Variants in ANO4 observed in about 807,000 individuals in gnomAD.
ANO4 encodes anoctamin-4.
ANO4 carries 69 observed loss-of-function variants against 141.9 expected under a neutral mutation model. That is an observed-to-expected ratio of 0.49 (90% CI 0.40 to 0.59). The LOEUF (loss-of-function observed/expected upper bound fraction) is 0.59. ANO4 is among the 20% of genes least tolerant of loss of function. The pLI, the probability that ANO4 is intolerant of heterozygous loss-of-function variation, is 0.00. For synonymous variants in ANO4, 350 were observed against 394.3 expected, an observed-to-expected ratio of 0.89 and a Z score of 1.33; for missense variants, 894 against 1,162.2, an observed-to-expected ratio of 0.77 and a Z score of 3.36.
At chr12:100,733,941 G>A in intron 2 of ANO4, 1 of 630,198 alleles carries the variant, frequency 1.6e-6, no homozygotes. Flanking sequence ...CTGGGGAGGA[G>A]AGGGAAGAAA....
At chr12:101,101,467 G>A (rs1291853400) in intron 22 of ANO4, among the ~76,000 whole-genome samples, 1 of 151,940 alleles carries the variant, frequency 6.6e-6, no homozygotes, top group Non-Finnish European at 1.5e-5. Flanking sequence ...TAGTCATGTG[G>A]GTTTTTCTGT....
intron 1 of ANO4, among the ~76,000 whole-genome samples, chr12:100,866,081 G>A (rs1316584702): frequency 1.3e-5 from 2 of 152,168 alleles, no homozygotes; most frequent in Non-Finnish European, 2.9e-5. Context: ...CTCTAGAGTG[G>A]AGGGCAGGGT....
chr12:100,835,752 G>A (rs191281441), intron 1 of ANO4, among the ~76,000 whole-genome samples: 80 of 152,186 alleles, frequency 5.3e-4, no homozygotes, highest in Non-Finnish European at 8.8e-4. Flanking sequence ...TATAGCAGCT[G>A]TAGACAGATA....
At chr12:100,838,994 G>T (rs1466577772) in intron 1 of ANO4, among the ~76,000 whole-genome samples, 3 of 152,160 alleles carry the variant, frequency 2.0e-5, no homozygotes, top group South Asian at 4.1e-4. Flanking sequence ...TTGCCTTGAG[G>T]ATTAGAAGAC....
chr12:100,812,053 C>T (rs1054345408), intron 1 of ANO4, among the ~76,000 whole-genome samples: 4 of 151,912 alleles, frequency 2.6e-5, no homozygotes, highest in African/African-American at 4.8e-5. Context: ...CACACACACA[C>T]GCGTAATTCC....
chr12:100,807,177 C>T (rs958301920), intron 1 of ANO4, among the ~76,000 whole-genome samples: 5 of 152,162 alleles, frequency 3.3e-5, no homozygotes, highest in Admixed American at 1.3e-4. Context: ...TCTCTCCAAA[C>T]ATTTCAGGCA....
At chr12:101,024,429 C>G (rs537747207) in intron 9 of ANO4, among the ~76,000 whole-genome samples, 1 of 152,094 alleles carries the variant, frequency 6.6e-6, no homozygotes, top group Non-Finnish European at 1.5e-5. Context: ...AACTCCATCT[C>G]TACTAAAAAT....
At chr12:100,883,679 C>G (rs558883586) in intron 1 of ANO4, among the ~76,000 whole-genome samples, 24 of 152,276 alleles carry the variant, frequency 1.6e-4, no homozygotes, top group African/African-American at 5.3e-4. Flanking sequence ...ATAGTGTAGG[C>G]TTACACTATT....
chr12:100,980,395 AGAT>A (rs1295420532), intron 7 of ANO4, among the ~76,000 whole-genome samples: 2 of 152,216 alleles, frequency 1.3e-5, no homozygotes, highest in African/African-American at 2.4e-5. Flanking sequence ...AGACTGATTT[AGAT>A]GATGGAGAGT....
rs983862749 is a variant in ANO4 at position 100,722,453 on chromosome 12, G to C, written c.22+4906G>C. 5.3e-5 allele frequency among the ~76,000 whole-genome samples: 8 copies of C among 152,240 alleles called. 1 individual carries two copies. The South Asian group carries it at 1.5e-3, about 28-fold the overall frequency. ...TTGACCCTAGCATCCCACCCTCTGG[G>C]CGGGAGGTTGTTTGAGGCCTTCTCA... On this transcript the variant is annotated intron_variant, in intron 1 of 29. Coordinates refer to the ANO4 transcript ENST00000644049.
intron 1 of ANO4, among the ~76,000 whole-genome samples, chr12:100,800,730 A>G (rs1593362320): frequency 1.3e-5 from 2 of 152,356 alleles, no homozygotes; most frequent in East Asian, 3.9e-4. Context: ...CACAGTGTCC[A>G]TGGAACAAAT....
chr12:100,930,133 T>C (rs2136132674), intron 3 of ANO4, among the ~76,000 whole-genome samples: 1 of 152,284 alleles, frequency 6.6e-6, no homozygotes, highest in South Asian at 2.1e-4. Context: ...CTGTGGGTTG[T>C]CTCTTCACTT....
Position 100,927,811 on chromosome 12 carries a change from G to A in ANO4, c.160+5481G>A, listed in dbSNP as rs560444700. 5.9e-5 allele frequency among the ~76,000 whole-genome samples: 9 copies of A among 152,040 alleles called. No homozygotes were observed. The South Asian group carries it at 8.3e-4, about 14-fold the overall frequency. ...CAGCATATCTGGATATATACTGTAG[G>A]GACACTCTTGAATGGCATCCATACC... On this transcript the variant is annotated intron_variant, in intron 3 of 27. Coordinates refer to ENST00000392977, the MANE Select transcript of ANO4 (RefSeq NM_001286615.2).
At chr12:100,727,105 A>G (rs996534353) in intron 1 of ANO4, among the ~76,000 whole-genome samples, 3 of 152,108 alleles carry the variant, frequency 2.0e-5, no homozygotes, top group Admixed American at 1.3e-4. Context: ...GTCAAGTTTT[A>G]TAATACTTCA....
Position 100,991,513 on chromosome 12 carries a change from TA to T in ANO4, c.734+3864del, listed in dbSNP as rs59975425. Among the ~76,000 whole-genome samples, 263 of 111,148 alleles carry T rather than the reference TA, an allele frequency of 2.4e-3. 4 individuals carry two copies. The South Asian group carries it at 0.029, about 12-fold the overall frequency. The allele number at this position is 111,148 out of a possible 152,430, so 72.9% of individuals were successfully genotyped here. Reference sequence around the variant, plus strand: ...AGGTGGGAGGAGGGCATGAAAATAGTAAAAAAAAAAAAAAAAAAAAAGAGAA... The same window carrying T: ...AGGTGGGAGGAGGGCATGAAAATAGTAAAAAAAAAAAAAAAAAAAAGAGAA... On this transcript the variant is annotated intron_variant, in intron 8 of 27. Transcript: ENST00000392977.
At chr12:100,975,806 T>C (rs1178284345) in intron 7 of ANO4, among the ~76,000 whole-genome samples, 2 of 152,050 alleles carry the variant, frequency 1.3e-5, no homozygotes, top group Non-Finnish European at 2.9e-5. Flanking sequence ...GAAGTGCAGA[T>C]AGTCATCCTT....
chr12:100,986,849 G>C (rs1010272403), intron 7 of ANO4, among the ~76,000 whole-genome samples: 3 of 152,164 alleles, frequency 2.0e-5, no homozygotes, highest in African/African-American at 4.8e-5. Context: ...CAGGGAGATA[G>C]CCAGAGAGAA....
At chr12:100,724,637 T>G (rs929315342) in intron 1 of ANO4, among the ~76,000 whole-genome samples, 5 of 152,190 alleles carry the variant, frequency 3.3e-5, no homozygotes, top group Non-Finnish European at 7.4e-5. Context: ...ATCCTCTGAT[T>G]GATTTTTCAG....
At chr12:100,970,415 A>AC (rs1187575803) in intron 5 of ANO4, among the ~76,000 whole-genome samples, 1 of 151,674 alleles carries the variant, frequency 6.6e-6, no homozygotes, top group East Asian at 2.0e-4. Flanking sequence ...CCCTCAACAT[A>AC]CCAGGAAGCT....
Sources: allele counts gnomAD v4.1 joint callset (sites outside exome capture counted in the v4.1 genomes callset), GRCh38; gene constraint gnomAD v4.1.1; transcripts MANE v1.5; gene names NCBI Gene and HGNC (gene_info 2026-07-23, HGNC 2026-07-21).